Variants in SEL1L2 observed in about 807,000 individuals in gnomAD.
SEL1L2 encodes protein sel-1 homolog 2.
Under a neutral mutation model 98.8 loss-of-function variants are expected in SEL1L2, and 89 were observed. The observed-to-expected ratio is 0.90, with a 90% CI of 0.76 to 1.07. SEL1L2 has a LOEUF of 1.07. Among genes scored for constraint, SEL1L2 ranks in the 50% least tolerant of loss-of-function variants. The pLI is 0.00. For missense variants in SEL1L2, 788 were observed against 812.0 expected (o/e 0.97, Z 0.36); for synonymous variants, 262 against 278.5 (o/e 0.94, Z 0.59).
At chr20:13,983,042 A>AAAAAAAG in intron 1 of SEL1L2, among the ~76,000 whole-genome samples, 1 of 143,862 alleles carries the variant, frequency 7.0e-6, no homozygotes, top group Non-Finnish European at 1.5e-5. Context: ...AAAAAAAAAA[A>AAAAAAAG]AAAAAAGCAG....
chr20:13,977,591 C>CA (rs1023782154), intron 1 of SEL1L2, among the ~76,000 whole-genome samples: 6 of 151,168 alleles, frequency 4.0e-5, no homozygotes, highest in African/African-American at 7.3e-5. Context: ...CCCTTATGTG[C>CA]AAAAAAAAGT....
At chr20:13,903,433 C>T (rs2047774314) in intron 5 of SEL1L2, among the ~76,000 whole-genome samples, 1 of 152,186 alleles carries the variant, frequency 6.6e-6, no homozygotes, top group African/African-American at 2.4e-5. Flanking sequence ...TTATTTGGAG[C>T]TCATGATTTC....
intron 2 of SEL1L2, among the ~76,000 whole-genome samples, chr20:13,933,593 T>G (rs1254892309): frequency 1.3e-5 from 2 of 152,162 alleles, no homozygotes; most frequent in Non-Finnish European, 2.9e-5. Context: ...GTAGCATATA[T>G]CAGCACTTCA....
At position 13,921,484 on chromosome 20, in the gene SEL1L2, A is replaced by T. The variant is rs150868928; in HGVS notation, c.284-2361T>A. On this transcript the variant is annotated intron_variant, in intron 3 of 19. Transcript: ENST00000284951. ...ACCACACTCAGCCGCTGTTTATTAA[A>T]ATACTAAAATACTATGATATTGATT... Among the ~76,000 whole-genome samples, 601 of 152,226 alleles carry T rather than the reference A, an allele frequency of 3.9e-3. 1 individual carries two copies. The highest frequency in any genetic ancestry group is 9.9e-3 in the East Asian group (51 of 5,176).
At chr20:13,936,952 C>T (rs1029994083) in intron 2 of SEL1L2, among the ~76,000 whole-genome samples, 31 of 152,214 alleles carry the variant, frequency 2.0e-4, no homozygotes, top group African/African-American at 7.2e-4. Flanking sequence ...AGATTCCTCA[C>T]AGTCTGACCT....
intron 5 of SEL1L2, among the ~76,000 whole-genome samples, chr20:13,898,829 G>A (rs1266727650): frequency 2.0e-5 from 3 of 152,026 alleles, no homozygotes; most frequent in Non-Finnish European, 2.9e-5. Flanking sequence ...TGCAACCTCC[G>A]CCTCCCGGGT....
At chr20:13,980,080 A>G (rs2148545109) in intron 1 of SEL1L2, among the ~76,000 whole-genome samples, 1 of 152,340 alleles carries the variant, frequency 6.6e-6, no homozygotes, top group East Asian at 1.9e-4. Flanking sequence ...AGACATACAA[A>G]TGGCCAACAG....
chr20:13,956,001 G>T, intron 2 of SEL1L2, 75 bp downstream of exon 2: 2 of 761,470 alleles, frequency 2.6e-6, no homozygotes, highest in South Asian at 1.5e-5. Flanking sequence ...TAATAATTCT[G>T]AGTATCCTGA....
intron 5 of SEL1L2, among the ~76,000 whole-genome samples, chr20:13,896,524 C>A (rs1275994952): frequency 3.2e-4 from 47 of 147,268 alleles, no homozygotes; most frequent in East Asian, 1.4e-3. Context: ...CCCCCACACA[C>A]AAAAAACTAA....
At chr20:13,921,695 A>G (rs1274910805) in intron 3 of SEL1L2, among the ~76,000 whole-genome samples, 1 of 152,184 alleles carries the variant, frequency 6.6e-6, no homozygotes, top group Non-Finnish European at 1.5e-5. Flanking sequence ...ACTTGCAATA[A>G]ATTTATTTTA....
At chr20:13,885,656 A>AGCTCTTG (rs1453452846) in intron 9 of SEL1L2, among the ~76,000 whole-genome samples, 1 of 152,176 alleles carries the variant, frequency 6.6e-6, no homozygotes, top group Non-Finnish European at 1.5e-5. Flanking sequence ...TAGGGGCCTT[A>AGCTCTTG]GCTCTTGGCT....
chr20:13,945,262 C>T (rs2049956371), intron 2 of SEL1L2, among the ~76,000 whole-genome samples: 1 of 152,076 alleles, frequency 6.6e-6, no homozygotes. Flanking sequence ...GAAAACTTGA[C>T]CTGACCTTAT....
At chr20:13,988,460 C>T (rs2052361027) in intron 1 of SEL1L2, among the ~76,000 whole-genome samples, 1 of 152,172 alleles carries the variant, frequency 6.6e-6, no homozygotes, top group Non-Finnish European at 1.5e-5. Context: ...GTTTTCATGG[C>T]ATCTTTGCCA....
At chr20:13,959,791 T>A (rs2050699372) in intron 1 of SEL1L2, among the ~76,000 whole-genome samples, 1 of 152,230 alleles carries the variant, frequency 6.6e-6, no homozygotes, top group Admixed American at 6.5e-5. Context: ...TTGCAATGGT[T>A]CTTATTTTGA....
rs768780990 is a variant in SEL1L2, at chr20:13,888,511, G to C, written c.551C>G (p.Ala184Gly). The C allele has an allele frequency of 1.3e-6, 2 of 1,536,982 alleles. No homozygotes were observed. The highest frequency in any genetic ancestry group is 2.3e-5 in the South Asian group (2 of 85,986). The change falls in exon 6 of 20, where the codon GCA becomes GGA. Residue 184 changes from alanine (A) to glycine (G), a missense_variant and splice_region_variant. Transcript: ENST00000284951. ...TCCATAAGAAGACAAAAATCCTAAT[G>C]CCTAAAGCACAAAAGAAGAAACAAA... is the stretch of plus-strand genomic sequence containing the variant. The part of the protein sequence containing the change: ...AKEGSCKAQN[A>G]LGFLSSYGIG...
At chr20:13,948,194 A>G (rs1033705182) in intron 2 of SEL1L2, among the ~76,000 whole-genome samples, 3 of 152,058 alleles carry the variant, frequency 2.0e-5, no homozygotes, top group Non-Finnish European at 4.4e-5. Context: ...ATCCAATGCG[A>G]TCTATAGATT....
chr20:13,849,380 G>A lies in SEL1L2; in HGVS notation c.*105C>T, dbSNP rs559673400. ...TCTGTTTCCCATCACAGCCCTGAGC[G>A]GGAAACTGCAGCGGACTCTTGATTT... is the stretch of plus-strand genomic sequence containing the variant. On this transcript the variant is annotated 3_prime_UTR_variant, in exon 20 of 20. Coordinates refer to ENST00000284951, the MANE Select transcript of SEL1L2 (RefSeq NM_025229.2). 4.3e-5 allele frequency: 61 copies of A among 1,417,282 alleles called. No individual in the cohort carries two copies. The highest frequency in any genetic ancestry group is 3.7e-4 in the Middle Eastern group (2 of 5,448). 87.8% of individuals were successfully genotyped at this position (1,417,282 alleles called of 1,614,324 possible). A position where few individuals can be genotyped will look rare whatever the true frequency, so the allele number is the denominator to read the frequency against.
chr20:13,868,153 A>G (rs1432037795), intron 14 of SEL1L2, among the ~76,000 whole-genome samples: 1 of 151,896 alleles, frequency 6.6e-6, no homozygotes, highest in African/African-American at 2.4e-5. Context: ...CTACTAGATC[A>G]TTGAAGAAAA....
In SEL1L2 at chr20:13,898,897, C is replaced by T. The variant is rs528772277; in HGVS notation, c.550-10385G>A. 4.2e-3 allele frequency among the ~76,000 whole-genome samples: 632 copies of T among 152,274 alleles called. 2 individuals carry two copies. The highest frequency in any genetic ancestry group is 6.8e-3 in the Middle Eastern group (2 of 294). ...ATCTGGGATTACAGGTGCCTGCCAC[C>T]ATGCCCAGATAATTTTTGTATTTTT... On this transcript the variant is annotated intron_variant, in intron 5 of 19. Coordinates refer to ENST00000284951, the MANE Select transcript of SEL1L2 (RefSeq NM_025229.2).
Sources: gnomAD v4.1 joint callset for allele counts (sites outside exome capture counted in the v4.1 genomes callset) on GRCh38, gnomAD v4.1.1 for gene constraint, MANE v1.5 for transcripts, NCBI Gene and HGNC (gene_info 2026-07-23, HGNC 2026-07-21) for gene names.